The following RTN4 variants were observed in gnomAD, a reference collection of about 807,000 sequenced individuals.
The protein encoded by RTN4 is reticulon-4.
A neutral mutation model predicts 90.4 loss-of-function variants in RTN4; 32 were observed. That is an observed-to-expected ratio of 0.35 (90% confidence interval 0.27 to 0.48). RTN4 has a LOEUF of 0.48. Among genes scored for constraint, RTN4 ranks in the 20% least tolerant of loss-of-function variants. The probability of loss-of-function intolerance (pLI) is 0.99; values close to 1 mark genes in which losing one functional copy is unlikely to be tolerated. For synonymous variants in RTN4, 629 were observed against 552.5 expected (o/e 1.14, Z -1.94); for missense variants, 1,706 against 1,430.2 (o/e 1.19, Z -3.11).
At chr2:55,075,764 T>C (rs1668588455) in intron 2 of RTN4, among the ~76,000 whole-genome samples, 1 of 152,168 alleles carries the variant, frequency 6.6e-6, no homozygotes, top group Admixed American at 6.5e-5. Context: ...TGGAACAGAA[T>C]GGAGAACCCA....
At chr2:55,069,389 A>G (rs972947263) in intron 2 of RTN4, among the ~76,000 whole-genome samples, 1 of 152,202 alleles carries the variant, frequency 6.6e-6, no homozygotes, top group Non-Finnish European at 1.5e-5. Context: ...AAAAAATCAG[A>G]AAGCCCCTCT....
At chr2:55,104,083 C>T (rs1326449946) in intron 1 of RTN4, among the ~76,000 whole-genome samples, 1 of 152,028 alleles carries the variant, frequency 6.6e-6, no homozygotes, top group Non-Finnish European at 1.5e-5. Context: ...TGGAATCTTG[C>T]TCTGTTGCCC....
At chr2:55,082,004 A>C (rs1194432690) in intron 1 of RTN4, among the ~76,000 whole-genome samples, 1 of 152,200 alleles carries the variant, frequency 6.6e-6, no homozygotes, top group African/African-American at 2.4e-5. Context: ...CTGCCTTTAA[A>C]TATAACAGCC....
chr2:55,081,000 C>G lies in RTN4; in HGVS notation c.-213-361G>C, dbSNP rs116174494. ...CTTTTTAAAAAATATTCAGAGCTCT[C>G]AAAAGGTACACTGTATTCACTCTCT... On this transcript the variant is annotated intron_variant, in intron 1 of 3. Transcript: ENST00000427710. Among the ~76,000 whole-genome samples, 768 of 152,310 alleles carry G rather than the reference C, an allele frequency of 5.0e-3. 5 individuals are homozygous for G. Among genetic ancestry groups the G allele is most frequent in the African/African-American group, 0.018 (738 of 41,576 alleles).
At chr2:55,081,577 T>C (rs1337209456) in intron 1 of RTN4, among the ~76,000 whole-genome samples, 1 of 152,082 alleles carries the variant, frequency 6.6e-6, no homozygotes, top group African/African-American at 2.4e-5. Context: ...AAAAAAGAGA[T>C]ATCCAGCCAG....
chr2:55,068,953 A>C (rs1227860247), intron 2 of RTN4, among the ~76,000 whole-genome samples: 1 of 152,268 alleles, frequency 6.6e-6, no homozygotes, highest in Non-Finnish European at 1.5e-5. Flanking sequence ...GTGTACTTTA[A>C]AGCCACTGCC....
intron 3 of RTN4, 66 bp downstream of exon 3, chr2:55,025,020 G>A: frequency 6.6e-7 from 1 of 1,505,656 alleles, no homozygotes; most frequent in Non-Finnish European, 8.9e-7. Context: ...AACACAAAAT[G>A]TAGTGGAATG....
At chr2:55,013,930 G>C (rs1680838513) in intron 3 of RTN4, among the ~76,000 whole-genome samples, 1 of 152,082 alleles carries the variant, frequency 6.6e-6, no homozygotes, top group Non-Finnish European at 1.5e-5. Context: ...CACTGCTCTT[G>C]AGAGCTAAAA....
chr2:55,129,831 A>C, the RTN4 span, among the ~76,000 whole-genome samples: 1 of 152,166 alleles, frequency 6.6e-6, no homozygotes, highest in Non-Finnish European at 1.5e-5. Flanking sequence ...AAAGTGTTGC[A>C]ATTACAGGCG....
chr2:55,067,645 C>G (rs1229539720), intron 2 of RTN4, among the ~76,000 whole-genome samples: 1 of 152,086 alleles, frequency 6.6e-6, no homozygotes, highest in Non-Finnish European at 1.5e-5. Flanking sequence ...GAACTCCTGA[C>G]CTCAAGTGAT....
At chr2:55,056,412 A>C (rs1668191412) in intron 2 of RTN4, 1 of 152,144 alleles carries the variant, frequency 6.6e-6, no homozygotes, top group Non-Finnish European at 1.5e-5. Context: ...GCCAAAGAGA[A>C]GTCATAAAGT....
At chr2:54,988,883 G>C (rs1470125038) in intron 3 of RTN4, among the ~76,000 whole-genome samples, 1 of 152,202 alleles carries the variant, frequency 6.6e-6, no homozygotes, top group Non-Finnish European at 1.5e-5. Context: ...TATGCTCAAT[G>C]CAAGGAGAAC....
chr2:54,999,575 T>G (rs1679705382), intron 3 of RTN4, among the ~76,000 whole-genome samples: 1 of 152,084 alleles, frequency 6.6e-6, no homozygotes, highest in Non-Finnish European at 1.5e-5. Context: ...TAAGTTCTCT[T>G]TAATAATGCC....
chr2:55,011,268 T>TCTCCCA, intron 3 of RTN4, among the ~76,000 whole-genome samples: 1 of 152,014 alleles, frequency 6.6e-6, no homozygotes, highest in South Asian at 2.1e-4. Flanking sequence ...CTCAAGCAAT[T>TCTCCCA]CTCCCACCTC....
At chr2:54,986,730 T>A (rs1678589219) in intron 4 of RTN4, among the ~76,000 whole-genome samples, 1 of 152,160 alleles carries the variant, frequency 6.6e-6, no homozygotes, top group African/African-American at 2.4e-5. Flanking sequence ...TGTCGGGCGT[T>A]GGTTGGGGAG....
intron 3 of RTN4, chr2:55,010,036 T>C (rs372579159): frequency 1.1e-4 from 180 of 1,575,072 alleles, no homozygotes; most frequent in Non-Finnish European, 1.5e-4. Context: ...CATAGAAATA[T>C]ATTAGTGGTC....
the RTN4 span, among the ~76,000 whole-genome samples, chr2:55,119,531 A>G: frequency 1.3e-5 from 2 of 152,052 alleles, no homozygotes; most frequent in African/African-American, 4.8e-5. Flanking sequence ...TAAAAGCCTT[A>G]TAGTAGAAGT....
chr2:55,110,764 G>A (rs1668024090), intron 1 of RTN4, among the ~76,000 whole-genome samples: 1 of 152,210 alleles, frequency 6.6e-6, no homozygotes, highest in Non-Finnish European at 1.5e-5. Context: ...CGCCAGGCCA[G>A]GCACGGTAGC....
chr2:55,089,923 A>G (rs1668907412), intron 1 of RTN4, among the ~76,000 whole-genome samples: 1 of 152,202 alleles, frequency 6.6e-6, no homozygotes, highest in Non-Finnish European at 1.5e-5. Flanking sequence ...AGCAGCAACT[A>G]GACTGACTCC....
Sources: gnomAD v4.1 joint callset for allele counts (sites outside exome capture counted in the v4.1 genomes callset) on GRCh38, gnomAD v4.1.1 for gene constraint, MANE v1.5 for transcripts, NCBI Gene and HGNC (gene_info 2026-07-23, HGNC 2026-07-21) for gene names.